The following LRRC7 variants were observed in gnomAD, a reference collection of about 807,000 sequenced individuals.
The protein encoded by LRRC7 is leucine rich repeat containing 7, also known as leucine-rich repeat-containing protein 7.
LRRC7 carries 23 observed loss-of-function variants against 175.7 expected under a neutral mutation model. That is an observed-to-expected ratio of 0.13 (90% CI 0.09 to 0.19). The LOEUF (loss-of-function observed/expected upper bound fraction) is 0.19. LRRC7 is among the 10% of genes least tolerant of loss of function. The probability of loss-of-function intolerance (pLI) is 1.00; values close to 1 mark genes in which losing one functional copy is unlikely to be tolerated. For synonymous variants in LRRC7, 685 were observed against 680.9 expected, an observed-to-expected ratio of 1.01 and a Z score of -0.09; for missense variants, 1,354 against 1,904.7, an observed-to-expected ratio of 0.71 and a Z score of 5.38.
chr1:69,633,678 C>T (rs1652872597), intron 1 of LRRC7, among the ~76,000 whole-genome samples: 1 of 152,130 alleles, frequency 6.6e-6, no homozygotes, highest in South Asian at 2.1e-4. Context: ...ATTTGCCCAC[C>T]TCTGCCTCCC....
intron 25 of LRRC7, among the ~76,000 whole-genome samples, chr1:70,093,403 G>A (rs1452913766): frequency 2.0e-5 from 3 of 152,006 alleles, no homozygotes; most frequent in Admixed American, 6.6e-5. Flanking sequence ...AGGCCCAGAG[G>A]GGTTAATTAA....
intron 22 of LRRC7, among the ~76,000 whole-genome samples, chr1:70,051,634 C>A (rs1228006470): frequency 6.6e-6 from 1 of 151,634 alleles, no homozygotes; most frequent in Admixed American, 6.6e-5. Context: ...AACTCAGGAG[C>A]TTAAATTCAG....
intron 7 of LRRC7, among the ~76,000 whole-genome samples, chr1:69,881,826 G>C (rs1686638265): frequency 6.6e-6 from 1 of 150,792 alleles, no homozygotes; most frequent in South Asian, 2.1e-4. Context: ...ACTGCAGTGA[G>C]CCATGACTGC....
At chr1:69,761,381 A>G (rs1227992347) in intron 3 of LRRC7, among the ~76,000 whole-genome samples, 1 of 152,070 alleles carries the variant, frequency 6.6e-6, no homozygotes, top group African/African-American at 2.4e-5. Context: ...TGATCAAAAT[A>G]AATTATGAAT....
chr1:70,114,114 T>C (rs1278338513), intron 26 of LRRC7, among the ~76,000 whole-genome samples: 1 of 152,080 alleles, frequency 6.6e-6, no homozygotes, highest in Non-Finnish European at 1.5e-5. Flanking sequence ...AAATGAAGTG[T>C]TGGACCCTTA....
intron 1 of LRRC7, chr1:69,607,714 C>T (rs1464636593): frequency 6.6e-6 from 1 of 151,900 alleles, no homozygotes; most frequent in East Asian, 1.9e-4. Context: ...AATTTTTTTC[C>T]CATTGAAAAG....
At chr1:69,838,898 G>A (rs1681417491) in intron 7 of LRRC7, among the ~76,000 whole-genome samples, 2 of 151,810 alleles carry the variant, frequency 1.3e-5, no homozygotes, top group Admixed American at 1.3e-4. Context: ...ACCCAGCTTT[G>A]CCTTATTCAT....
chr1:69,737,525 G>A (rs1668255786), intron 2 of LRRC7, among the ~76,000 whole-genome samples: 1 of 152,028 alleles, frequency 6.6e-6, no homozygotes, highest in Admixed American at 6.6e-5. Flanking sequence ...AATACACCCT[G>A]TAACTATTTG....
chr1:69,767,742 A>T (rs1231864619), intron 3 of LRRC7, among the ~76,000 whole-genome samples: 1 of 152,212 alleles, frequency 6.6e-6, no homozygotes, highest in Admixed American at 6.5e-5. Context: ...ATTTACAGAC[A>T]TGAGCCACCG....
chr1:69,692,630 A>G (rs74085000), intron 2 of LRRC7, among the ~76,000 whole-genome samples: 3,808 of 152,224 alleles, frequency 0.025, 151 homozygotes, highest in African/African-American at 0.085. Context: ...TGTGTCTTAC[A>G]TTATTCTTGA....
chr1:69,912,852 A>T (rs765785828), intron 7 of LRRC7, among the ~76,000 whole-genome samples: 14 of 152,216 alleles, frequency 9.2e-5, no homozygotes, highest in Non-Finnish European at 1.8e-4. Flanking sequence ...TTATTAAGGT[A>T]CAATTTTACA....
intron 1 of LRRC7, among the ~76,000 whole-genome samples, chr1:69,576,692 A>T (rs890570728): frequency 6.6e-6 from 1 of 152,212 alleles, no homozygotes; most frequent in Non-Finnish European, 1.5e-5. Context: ...AATGCATCAC[A>T]TATCAGCACA....
chr1:69,697,471 C>T (rs1345293818), intron 2 of LRRC7, among the ~76,000 whole-genome samples: 1 of 152,188 alleles, frequency 6.6e-6, no homozygotes, highest in East Asian at 1.9e-4. Flanking sequence ...CCGCTGTGGG[C>T]AAAACCATAA....
At chr1:69,806,998 T>C (rs1021524199) in intron 4 of LRRC7, among the ~76,000 whole-genome samples, 2 of 152,114 alleles carry the variant, frequency 1.3e-5, no homozygotes, top group Non-Finnish European at 2.9e-5. Flanking sequence ...GGTGCATATG[T>C]ATTTAGGATA....
At chr1:69,696,329 T>C (rs1454994260) in intron 2 of LRRC7, among the ~76,000 whole-genome samples, 2 of 152,212 alleles carry the variant, frequency 1.3e-5, no homozygotes, top group Admixed American at 6.5e-5. Context: ...TTCTTTTGGC[T>C]GATTTCTCCC....
intron 1 of LRRC7, among the ~76,000 whole-genome samples, chr1:69,642,866 TG>T (rs1654445357): frequency 7.0e-6 from 1 of 143,208 alleles, no homozygotes; most frequent in African/African-American, 2.6e-5. Flanking sequence ...ATTATACGAT[TG>T]ATTGGAAGAG....
intron 1 of LRRC7, among the ~76,000 whole-genome samples, chr1:69,663,932 AGGATG>A (rs1307207052): frequency 6.6e-6 from 1 of 151,190 alleles, no homozygotes; most frequent in East Asian, 1.9e-4. Context: ...CTTGTTAGCC[AGGATG>A]GTCTCGATCT....
At chr1:69,589,006 T>A (rs1044106829) in intron 1 of LRRC7, among the ~76,000 whole-genome samples, 2 of 151,572 alleles carry the variant, frequency 1.3e-5, no homozygotes, top group African/African-American at 4.9e-5. Flanking sequence ...TGTGTGTGTG[T>A]GTGCGTGCAT....
rs1570707770 is a variant in LRRC7 at position 69,931,496 on chromosome 1, A to G, written c.648-11A>G. Reference sequence around the variant, plus strand: ...CTACCTCACAATAGTATTTTTCTCCATCTGTTGTAGGTCAATGCACAAACT... The same window carrying G: ...CTACCTCACAATAGTATTTTTCTCCGTCTGTTGTAGGTCAATGCACAAACT... On this transcript the variant is annotated splice_polypyrimidine_tract_variant and intron_variant, in intron 7 of 26. Coordinates refer to ENST00000651989, the MANE Select transcript of LRRC7 (RefSeq NM_001370785.2). The G allele has an allele frequency of 1.2e-6, 2 of 1,610,234 alleles. No homozygotes were observed. The highest frequency in any genetic ancestry group is 1.7e-5 in the Admixed American group (1 of 59,946).
Sources: allele counts gnomAD v4.1 joint callset (sites outside exome capture counted in the v4.1 genomes callset), GRCh38; gene constraint gnomAD v4.1.1; transcripts MANE v1.5; gene names NCBI Gene and HGNC (gene_info 2026-07-23, HGNC 2026-07-21).